CDK12: variants seen among roughly 807,000 people sequenced by gnomAD.
The protein encoded by CDK12 is cyclin dependent kinase 12, also known as cyclin-dependent kinase 12.
CDK12 carries 17 observed loss-of-function variants against 133.8 expected under a neutral mutation model. That is an observed-to-expected ratio of 0.13 (90% CI 0.09 to 0.19). The LOEUF is 0.19. Among genes scored for constraint, CDK12 ranks in the 10% least tolerant of loss-of-function variants. CDK12 has a pLI of 1.00. For synonymous variants in CDK12, 694 were observed against 683.6 expected (o/e 1.02, Z -0.24); for missense variants, 1,508 against 1,818.7 (o/e 0.83, Z 3.11).
chr17:39,555,620 G>T (rs1047218188), intron 2 of CDK12, among the ~76,000 whole-genome samples: 3 of 152,046 alleles, frequency 2.0e-5, no homozygotes, highest in Admixed American at 6.5e-5. Context: ...GGGTATAGAA[G>T]TAGTATTGTG....
intron 2 of CDK12, among the ~76,000 whole-genome samples, chr17:39,479,358 T>C (rs546844658): frequency 2.6e-5 from 4 of 151,600 alleles, no homozygotes; most frequent in African/African-American, 4.8e-5. Context: ...AGCTCACTTA[T>C]ATTCTCTGTT....
intron 2 of CDK12, among the ~76,000 whole-genome samples, chr17:39,478,414 G>A (rs910808153): frequency 7.9e-5 from 12 of 151,640 alleles, no homozygotes; most frequent in African/African-American, 2.4e-4. Flanking sequence ...GGCTGGTCCC[G>A]AACTCCTGAC....
At chr17:39,547,718 C>T (rs1445773974), upstream of CDK12, 1 of 152,318 alleles carries the variant, frequency 6.6e-6, no homozygotes, top group African/African-American at 2.4e-5. Context: ...AGAGCATCTC[C>T]CTGCATCCTG....
Position 39,532,120 on chromosome 17 carries a change from C to CTT in CDK12, c.*805_*806insTT, listed in dbSNP as rs1469717703. ...TCTCTCTTTCTCTCTCTCTCTCTCT[C>CTT]TCTCTCTCTCTCTCTCTCTCTCTGT... On this transcript the variant is annotated 3_prime_UTR_variant, in exon 14 of 14. Transcript: ENST00000447079. The CTT allele has an allele frequency of 2.3e-4, 50 of 216,750 alleles. No individual in the cohort carries two copies. The highest frequency in any genetic ancestry group is 3.7e-4 in the Non-Finnish European group (39 of 106,518). The allele number at this position is 216,750 out of a possible 1,614,324, so 13.4% of individuals were successfully genotyped here.
chr17:39,519,805 C>T, intron 10 of CDK12, 151 bp from the exon 11 acceptor site: 1 of 664,086 alleles, frequency 1.5e-6, no homozygotes, highest in Non-Finnish European at 2.6e-6. Context: ...GTATGTTGCC[C>T]AGGTTGATCT....
chr17:39,524,050 T>C lies in CDK12; in HGVS notation c.3096-624T>C, dbSNP rs115546485. 6.3e-3 allele frequency among the ~76,000 whole-genome samples: 965 copies of C among 152,314 alleles called. 17 individuals are homozygous for C. The highest frequency in any genetic ancestry group is 0.022 in the African/African-American group (918 of 41,554). On this transcript the variant is annotated intron_variant, in intron 11 of 13. Transcript: ENST00000447079. ...GGAACTCCTATTATAGAGAGATTTA[T>C]AGTAAGATTTGACCTACTTGGTCTG... is the stretch of plus-strand genomic sequence containing the variant.
chr17:39,543,229 GT>G (rs1305773581), upstream of CDK12, among the ~76,000 whole-genome samples: 1 of 152,182 alleles, frequency 6.6e-6, no homozygotes, highest in Non-Finnish European at 1.5e-5. Flanking sequence ...AAAGTTTTGA[GT>G]TGTTTGATAT....
chr17:39,524,849 C>T lies in CDK12; in HGVS notation c.3271C>T (p.Pro1091Ser), dbSNP rs1337640463. 1.9e-5 allele frequency: 30 copies of T among 1,614,124 alleles called. No individual in the cohort carries two copies. Among genetic ancestry groups the T allele is most frequent in the Non-Finnish European group, 2.5e-5 (30 of 1,179,996 alleles). ...CAGCCCAGCACCACCTCAGCCTGCT[C>T]CTGGCAAGGTGGAGTCTGGGGCTGG... ...NSSPAPPQPA[P>S]GKVESGAGDA... is the part of the protein sequence containing the mutation. Residue 1091 changes from proline to serine, a missense_variant, in exon 12 of 14, where the codon CCT becomes TCT. Pro to Ser is a moderately conservative substitution (Grantham distance 74). This residue lies in a region of CDK12 where 399 missense variants were observed against 469.6 expected (regional missense o/e 0.85). Transcript: ENST00000447079.
intron 6 of CDK12, 58 bp from the exon 7 acceptor site, chr17:39,509,647 G>A: frequency 8.8e-7 from 1 of 1,135,760 alleles, no homozygotes; most frequent in Non-Finnish European, 1.3e-6. Context: ...TGACTTTTCA[G>A]GTGTATTTTG....
chr17:39,541,872 A>G (rs1243734575), intron 1 of CDK12, among the ~76,000 whole-genome samples: 1 of 152,236 alleles, frequency 6.6e-6, no homozygotes, highest in Non-Finnish European at 1.5e-5. Context: ...AGGTCAGGTA[A>G]TCTAACCTCT....
downstream of CDK12, among the ~76,000 whole-genome samples, chr17:39,535,670 C>T (rs949109547): frequency 3.0e-4 from 45 of 152,170 alleles, no homozygotes; most frequent in African/African-American, 1.0e-3. Context: ...AACCAGAAAC[C>T]ATGCTGTTCA....
At chr17:39,537,075 T>A (rs1329272871), downstream of CDK12, among the ~76,000 whole-genome samples, 1 of 152,160 alleles carries the variant, frequency 6.6e-6, no homozygotes, top group East Asian at 1.9e-4. Context: ...AAGAAACCTT[T>A]AAGAAGTCCA....
At chr17:39,478,729 G>A (rs2050404408) in intron 2 of CDK12, among the ~76,000 whole-genome samples, 1 of 152,148 alleles carries the variant, frequency 6.6e-6, no homozygotes, top group Non-Finnish European at 1.5e-5. Context: ...GGAGACTGAG[G>A]TGGGATGATT....
downstream of CDK12, among the ~76,000 whole-genome samples, chr17:39,536,022 A>C (rs1186410178): frequency 2.6e-5 from 4 of 152,114 alleles, no homozygotes; most frequent in Non-Finnish European, 5.9e-5. Context: ...CAGGTGTGAC[A>C]GTTCTTATCT....
At chr17:39,505,120 T>C (rs1286380653) in intron 6 of CDK12, among the ~76,000 whole-genome samples, 1 of 150,316 alleles carries the variant, frequency 6.7e-6, no homozygotes, top group Non-Finnish European at 1.5e-5. Flanking sequence ...TCCCAGCTAC[T>C]TGGGAGGCTG....
At chr17:39,508,461 A>G (rs1045947494) in intron 6 of CDK12, among the ~76,000 whole-genome samples, 1 of 152,156 alleles carries the variant, frequency 6.6e-6, no homozygotes, top group East Asian at 1.9e-4. Flanking sequence ...ACCCCCTCCA[A>G]TAAATAAATA....
chr17:39,512,634 G>A (rs2053568387), intron 8 of CDK12, among the ~76,000 whole-genome samples: 1 of 152,100 alleles, frequency 6.6e-6, no homozygotes, highest in Admixed American at 6.6e-5. Context: ...CTTGGCCATT[G>A]CCCACATCTG....
intron 9 of CDK12, among the ~76,000 whole-genome samples, chr17:39,516,412 A>G (rs2053807043): frequency 6.6e-6 from 1 of 151,484 alleles, no homozygotes; most frequent in Non-Finnish European, 1.5e-5. Context: ...ACTGGAGTGC[A>G]GTGGTGTGAT....
chr17:39,492,581 T>G (rs546643607), intron 3 of CDK12, among the ~76,000 whole-genome samples, 170 bp from the exon 4 acceptor site: 1 of 150,002 alleles, frequency 6.7e-6, no homozygotes, highest in Admixed American at 6.7e-5. Context: ...CTAATTTTTG[T>G]ATTTTTTTTA....
Sources: gnomAD v4.1 joint callset for allele counts (sites outside exome capture counted in the v4.1 genomes callset) on GRCh38, gnomAD v4.1.1 for gene constraint, gnomAD v4.1.1 regional missense constraint, MANE v1.5 for transcripts, NCBI Gene and HGNC (gene_info 2026-07-23, HGNC 2026-07-21) for gene names.